The following GCC2 variants were observed in gnomAD, a reference collection of about 807,000 sequenced individuals.
GCC2 encodes the protein GRIP and coiled-coil domain-containing protein 2.
A neutral mutation model predicts 210.6 loss-of-function variants in GCC2; 120 were observed. The ratio of observed to expected loss-of-function variants is 0.57; its 90% CI spans 0.49 to 0.66. The LOEUF is 0.66. Among genes scored for constraint, GCC2 ranks in the 30% least tolerant of loss-of-function variants. The probability of loss-of-function intolerance (pLI) is 0.00; values close to 1 mark genes in which losing one functional copy is unlikely to be tolerated. For synonymous variants in GCC2, 703 were observed against 652.7 expected, an observed-to-expected ratio of 1.08 and a Z score of -1.17; for missense variants, 1,868 against 1,871.9, an observed-to-expected ratio of 1.00 and a Z score of 0.04.
chr2:108,503,796 C>T (rs1683046311), intron 22 of GCC2, among the ~76,000 whole-genome samples: 1 of 152,164 alleles, frequency 6.6e-6, no homozygotes, highest in African/African-American at 2.4e-5. Context: ...GGATCACATT[C>T]AGAATATTTT....
intron 21 of GCC2, among the ~76,000 whole-genome samples, chr2:108,498,861 C>T (rs1352141436): frequency 2.6e-5 from 4 of 151,156 alleles, no homozygotes; most frequent in Admixed American, 2.0e-4. Context: ...TGGAGGCTGC[C>T]GATGTTCCCC....
At chr2:108,505,958 A>T (rs2917976) in intron 22 of GCC2, among the ~76,000 whole-genome samples, 58,184 of 151,880 alleles carry the variant, frequency 0.38, 12,666 homozygotes, top group East Asian at 0.89. Flanking sequence ...GGTCAAACTG[A>T]CATACATATA....
At position 108,509,119 on chromosome 2, in the gene GCC2, GTTTTTTTAC is replaced by G. The variant is rs1336105260; in HGVS notation, c.*1493_*1501del. 2.6e-5 allele frequency: 4 copies of G among 152,588 alleles called. No homozygotes were observed. Among genetic ancestry groups the G allele is most frequent in the Non-Finnish European group, 5.9e-5 (4 of 68,024 alleles). The allele number at this position is 152,588 out of a possible 1,614,324, so 9.5% of individuals were successfully genotyped here. A position where few individuals can be genotyped will look rare whatever the true frequency, so the allele number is the denominator to read the frequency against. ...TTTCAGAGCTGACATGAAGAGTTTA[GTTTTTTTAC>G]TTTATAAACTGTGAATATGAGTATG... On this transcript the variant is annotated 3_prime_UTR_variant, in exon 23 of 23. Transcript: ENST00000309863.
chr2:108,497,465 C>G (rs1233400352), intron 21 of GCC2, among the ~76,000 whole-genome samples: 1 of 152,168 alleles, frequency 6.6e-6, no homozygotes, highest in Non-Finnish European at 1.5e-5. Flanking sequence ...TTAATTCCTA[C>G]TTTTTCTAAG....
At chr2:108,451,915 C>T (rs1679969617) in intron 3 of GCC2, among the ~76,000 whole-genome samples, 1 of 147,992 alleles carries the variant, frequency 6.8e-6, no homozygotes, top group African/African-American at 2.5e-5. Flanking sequence ...GCAATCTCGG[C>T]TTACTGCAAC....
rs1284915322 is a variant in GCC2, at chr2:108,505,139, CA to C, written c.4985-2420del. ...TGTTTGCACAAGGGCAGGGGCCTGCCAGATCTGAGAACACAGCAAAATTTTT... is the reference window on the plus strand; with the variant it reads ...TGTTTGCACAAGGGCAGGGGCCTGCCGATCTGAGAACACAGCAAAATTTTT... On this transcript the variant is annotated intron_variant, in intron 22 of 22. Transcript: ENST00000309863. Among the ~76,000 whole-genome samples the C allele has an allele frequency of 1.3e-5, 2 of 152,214 alleles. 1 individual carries two copies. The highest frequency in any genetic ancestry group is 3.8e-4 in the East Asian group (2 of 5,200).
rs149131016 is a variant in GCC2 at position 108,489,376 on chromosome 2, G to A, written c.4053-462G>A. On this transcript the variant is annotated intron_variant, in intron 17 of 22. Transcript: ENST00000309863. ...ACTAAAAATAAAAAATTAGCTGAGCGTGGTGGTGGGTGCCTGTAGTCCTAG... is the reference window on the plus strand; with the variant it reads ...ACTAAAAATAAAAAATTAGCTGAGCATGGTGGTGGGTGCCTGTAGTCCTAG... Among the ~76,000 whole-genome samples, 884 of 152,216 alleles carry A rather than the reference G, an allele frequency of 5.8e-3. 8 individuals are homozygous for A. Among genetic ancestry groups the A allele is most frequent in the African/African-American group, 0.02 (840 of 41,548 alleles).
At chr2:108,478,876 T>G (rs1161423987) in intron 9 of GCC2, among the ~76,000 whole-genome samples, 1 of 152,192 alleles carries the variant, frequency 6.6e-6, no homozygotes, top group African/African-American at 2.4e-5. Flanking sequence ...AAGACCCTAA[T>G]GATACCTCAA....
chr2:108,457,819 C>A (rs1168518394), intron 4 of GCC2, among the ~76,000 whole-genome samples: 2 of 151,880 alleles, frequency 1.3e-5, no homozygotes, highest in Non-Finnish European at 2.9e-5. Context: ...AGCAACCTTA[C>A]TGAATTTATC....
intron 15 of GCC2, 181 bp from the exon 16 acceptor site, chr2:108,486,328 GAT>G: frequency 1.6e-6 from 1 of 626,524 alleles, no homozygotes; most frequent in Non-Finnish European, 2.8e-6. Context: ...TTTAAGAAAA[GAT>G]AACTTAGAAA....
chr2:108,496,298 T>C (rs1212884812), intron 20 of GCC2: 2 of 152,788 alleles, frequency 1.3e-5, no homozygotes, highest in Non-Finnish European at 2.9e-5. Flanking sequence ...GTAATTAATA[T>C]TACTGTTCAA....
chr2:108,495,215 T>C (rs1682588625), intron 19 of GCC2, 76 bp from the exon 20 acceptor site: 2 of 789,646 alleles, frequency 2.5e-6, no homozygotes, highest in Non-Finnish European at 4.0e-6. Context: ...ATTTTCATTT[T>C]ATTGTGTATC....
chr2:108,449,594 A>C, intron 1 of GCC2, 39 bp from the exon 2 acceptor site: 6 of 1,592,326 alleles, frequency 3.8e-6, no homozygotes, highest in Admixed American at 1.7e-5. Flanking sequence ...AATTAGGAAA[A>C]GAGTTCTTCT....
intron 22 of GCC2, among the ~76,000 whole-genome samples, chr2:108,501,276 C>T (rs1230966463): frequency 1.3e-5 from 2 of 152,132 alleles, no homozygotes; most frequent in African/African-American, 2.4e-5. Context: ...TGAGCCACCA[C>T]GCCCAGCCAT....
intron 19 of GCC2, 164 bp from the exon 20 acceptor site, chr2:108,495,127 A>G: frequency 4.3e-6 from 2 of 465,646 alleles, no homozygotes; most frequent in South Asian, 2.7e-5. Flanking sequence ...ACTAAATTTT[A>G]AGAAATGCTT....
chr2:108,453,420 T>G (rs1680066366), intron 4 of GCC2, among the ~76,000 whole-genome samples: 1 of 152,202 alleles, frequency 6.6e-6, no homozygotes. Context: ...CCTCACTGGG[T>G]TCTCTTTCTC....
intron 4 of GCC2, among the ~76,000 whole-genome samples, chr2:108,466,416 T>C (rs1558735996): frequency 1.3e-5 from 2 of 152,174 alleles, no homozygotes; most frequent in Admixed American, 1.3e-4. Flanking sequence ...TTTGTTGTTA[T>C]TTTTGTTGTT....
intron 9 of GCC2, among the ~76,000 whole-genome samples, chr2:108,477,818 G>T (rs1045914956): frequency 6.6e-6 from 1 of 152,092 alleles, no homozygotes; most frequent in African/African-American, 2.4e-5. Flanking sequence ...GGCCAAGGTG[G>T]GTGAGTCACT....
At chr2:108,492,452 A>G (rs762529316) in intron 18 of GCC2, 121 bp from the exon 19 acceptor site, 20 of 672,820 alleles carry the variant, frequency 3.0e-5, no homozygotes, top group Non-Finnish European at 4.6e-5. Flanking sequence ...GTAGGAGAGA[A>G]GTTGATTCAT....
Sources: allele counts gnomAD v4.1 joint callset (sites outside exome capture counted in the v4.1 genomes callset), GRCh38; gene constraint gnomAD v4.1.1; transcripts MANE v1.5; gene names NCBI Gene and HGNC (gene_info 2026-07-23, HGNC 2026-07-21).